The following ST3GAL4 variants were observed in gnomAD, a reference collection of about 807,000 sequenced individuals.
ST3GAL4 encodes the protein CMP-N-acetylneuraminate-beta-galactosamide-alpha-2,3-sialyltransferase 4.
In ST3GAL4, 24 loss-of-function variants were observed where a neutral mutation model predicts 42.6. The ratio of observed to expected loss-of-function variants is 0.56; its 90% CI spans 0.41 to 0.79. The LOEUF is 0.79. Ranked by LOEUF, ST3GAL4 falls within the 30% of genes least tolerant of loss-of-function variation. The pLI is 0.00. For missense variants in ST3GAL4, 311 were observed against 430.8 expected (o/e 0.72, Z 2.46); for synonymous variants, 135 against 163.2 (o/e 0.83, Z 1.32).
chr11:126,384,616 C>T lies in ST3GAL4; in HGVS notation c.-60-21480C>T, dbSNP rs1440273336. 2.1e-6 allele frequency: 2 copies of T among 947,028 alleles called. No homozygotes were observed. Among genetic ancestry groups the T allele is most frequent in the African/African-American group, 3.5e-5 (2 of 56,404 alleles). The allele number at this position is 947,028 out of a possible 1,614,324, so 58.7% of individuals were successfully genotyped here. ...GAAGGCTGAATGGGGCGGAACTGGT[C>T]AGGGCCTGGCACCAACTCCAGGATG... is the stretch of plus-strand genomic sequence containing the variant. On this transcript the variant is annotated intron_variant, in intron 1 of 10. Transcript: ENST00000444328. This position sits in a 1 kb window ranked among gnomAD's most constrained non-coding sequence, Gnocchi z 5.5.
At position 126,386,386 on chromosome 11, in the gene ST3GAL4, C is replaced by T. The variant is rs1442209817; in HGVS notation, c.-60-19710C>T. The stretch of plus-strand genomic sequence containing the variant: ...CCCTGCTTGCATTCGGCCCACAGGC[C>T]TTGTGGCTCCTGTTTCTGCTGACCT... On this transcript the variant is annotated intron_variant, in intron 1 of 10. Transcript: ENST00000444328. This position sits in a 1 kb window ranked among gnomAD's most constrained non-coding sequence, Gnocchi z 4.7. Among the ~76,000 whole-genome samples, 2 of 152,066 alleles carry T rather than the reference C, an allele frequency of 1.3e-5. No homozygotes were observed. Among genetic ancestry groups the T allele is most frequent in the African/African-American group, 4.8e-5 (2 of 41,404 alleles).
At chr11:126,377,443 T>G (rs1361104801) in intron 1 of ST3GAL4, among the ~76,000 whole-genome samples, 7 of 151,590 alleles carry the variant, frequency 4.6e-5, no homozygotes, top group African/African-American at 1.7e-4. Context: ...AGTGCTGGGA[T>G]TACAGGTGTG....
chr11:126,374,807 C>T (rs183586252), intron 1 of ST3GAL4, among the ~76,000 whole-genome samples: 22 of 152,192 alleles, frequency 1.4e-4, no homozygotes, highest in African/African-American at 1.7e-4. Flanking sequence ...TTGCAATTAG[C>T]GGACCGTCTG....
intron 1 of ST3GAL4, among the ~76,000 whole-genome samples, chr11:126,399,301 C>CTTTTTTTTTTTTTT (rs58479155): frequency 8.0e-5 from 7 of 87,748 alleles, no homozygotes; most frequent in East Asian, 8.5e-4. Context: ...TTCTTTCCTT[C>CTTTTTTTTTTTTTT]TTTTTTTTTT....
intron 1 of ST3GAL4, among the ~76,000 whole-genome samples, chr11:126,361,212 A>G (rs970543796): frequency 6.6e-6 from 1 of 152,148 alleles, no homozygotes; most frequent in African/African-American, 2.4e-5. Context: ...TGGAACCCTC[A>G]CTTGGGTCCT....
chr11:126,357,363 TGGAA>T (rs1355368151), intron 1 of ST3GAL4, among the ~76,000 whole-genome samples: 1 of 152,114 alleles, frequency 6.6e-6, no homozygotes, highest in African/African-American at 2.4e-5. Flanking sequence ...AGGGTGCACA[TGGAA>T]GGAAGAGTTA....
At chr11:126,385,019 GC>G (rs1953169486) in intron 1 of ST3GAL4, among the ~76,000 whole-genome samples, 2 of 152,152 alleles carry the variant, frequency 1.3e-5, no homozygotes, top group South Asian at 4.1e-4. Flanking sequence ...CCCTGCTGAG[GC>G]TGCGGACATT....
chr11:126,388,969 G>T (rs1194001684), intron 1 of ST3GAL4, among the ~76,000 whole-genome samples: 1 of 151,498 alleles, frequency 6.6e-6, no homozygotes, highest in East Asian at 1.9e-4. Context: ...GTAGAGACGG[G>T]GTTTCACCAT....
chr11:126,390,232 A>C (rs889880541), intron 1 of ST3GAL4, among the ~76,000 whole-genome samples: 16 of 151,798 alleles, frequency 1.1e-4, no homozygotes, highest in Non-Finnish European at 2.1e-4. Flanking sequence ...CAATTGACCC[A>C]TATGGATTGA....
At chr11:126,360,486 C>T (rs930092495) in intron 1 of ST3GAL4, among the ~76,000 whole-genome samples, 1 of 152,168 alleles carries the variant, frequency 6.6e-6, no homozygotes, top group African/African-American at 2.4e-5. Flanking sequence ...TGCAGTGGCG[C>T]GATCTCGGCT....
intron 9 of ST3GAL4, among the ~76,000 whole-genome samples, chr11:126,412,812 C>T (rs1231390123): frequency 3.9e-5 from 6 of 152,242 alleles, no homozygotes; most frequent in East Asian, 1.9e-4. Context: ...AGTTGCTTAA[C>T]GCTTTTGTAA....
At chr11:126,387,154 T>C (rs1266772787) in intron 1 of ST3GAL4, among the ~76,000 whole-genome samples, 3 of 152,276 alleles carry the variant, frequency 2.0e-5, no homozygotes, top group Admixed American at 6.5e-5. Context: ...ATTTCAGTAA[T>C]TGTCTTTGGA....
chr11:126,371,693 G>A (rs1028897687), intron 1 of ST3GAL4, among the ~76,000 whole-genome samples: 3 of 152,218 alleles, frequency 2.0e-5, no homozygotes, highest in African/African-American at 4.8e-5. Context: ...CCTGACGATA[G>A]TTAAGTTGTT....
chr11:126,408,403 A>G lies in ST3GAL4; in HGVS notation c.534A>G (p.Lys178=), dbSNP rs1345203477. ...CTGAATCTGCCCACTTCGACCCCAA[A>G]GTAGAAAACAACCCAGACACACTCC... ...FYPESAHFDP[K]VENNPDTLLV... is the part of the protein sequence containing the mutation. Residue 178 remains lysine (K), a synonymous_variant, in exon 8 of 11, where the codon AAA becomes AAG. Transcript: ENST00000444328. 1 of 1,614,232 alleles carries G rather than the reference A, an allele frequency of 6.2e-7. No individual in the cohort carries two copies. The highest frequency in any genetic ancestry group is 1.1e-5 in the South Asian group (1 of 91,086).
rs1953615674 is a variant in ST3GAL4, at chr11:126,393,840, AAAT to A, written c.-60-12254_-60-12252del. Among the ~76,000 whole-genome samples, 1 of 152,276 alleles carries A rather than the reference AAAT, an allele frequency of 6.6e-6. No individual in the cohort carries two copies. The highest frequency in any genetic ancestry group is 1.5e-5 in the Non-Finnish European group (1 of 68,048). On this transcript the variant is annotated intron_variant, in intron 1 of 10. Transcript: ENST00000444328. This position sits in a 1 kb window ranked among gnomAD's most constrained non-coding sequence, Gnocchi z 5.9. ...ATTTAGCCACGGTTTTAAAAAGTAA[AAAT>A]AGGTGAAATTCGTTTTAATATTTTA...
At chr11:126,402,954 T>G (rs1954072061) in intron 1 of ST3GAL4, among the ~76,000 whole-genome samples, 1 of 152,200 alleles carries the variant, frequency 6.6e-6, no homozygotes, top group Admixed American at 6.5e-5. Context: ...CTGGTCCCCT[T>G]GGACATGAGT....
At position 126,397,396 on chromosome 11, in the gene ST3GAL4, T is replaced by C. The variant is rs1953827327; in HGVS notation, c.-60-8700T>C. On this transcript the variant is annotated intron_variant, in intron 1 of 10. Coordinates refer to ENST00000444328, the MANE Select transcript of ST3GAL4 (RefSeq NM_001254757.2). The surrounding 1 kb of genome is among the most constrained non-coding windows in gnomAD (Gnocchi z 5.0). Reference sequence around the variant, plus strand: ...ATAAAAATGTCTCCAATCTCAGAGGTCATGGGATAGTGGGCAAGACATGAA... The same window carrying C: ...ATAAAAATGTCTCCAATCTCAGAGGCCATGGGATAGTGGGCAAGACATGAA... Among the ~76,000 whole-genome samples, 1 of 151,996 alleles carries C rather than the reference T, an allele frequency of 6.6e-6. No homozygotes were observed. The highest frequency in any genetic ancestry group is 1.5e-5 in the Non-Finnish European group (1 of 68,024).
rs1478212893 is a variant in ST3GAL4, at chr11:126,357,271, CCTGGGCT to C, written c.-61+1433_-61+1439del. On this transcript the variant is annotated intron_variant, in intron 1 of 10. Coordinates refer to ENST00000444328, the MANE Select transcript of ST3GAL4 (RefSeq NM_001254757.2). Reference sequence around the variant, plus strand: ...GGTGATCCTAAGCTGCCCCATGGGCCCTGGGCTCTGTCAAGACATGGGGAGCTTGCCA... The same window carrying C: ...GGTGATCCTAAGCTGCCCCATGGGCCCTGTCAAGACATGGGGAGCTTGCCA... Among the ~76,000 whole-genome samples the C allele has an allele frequency of 1.9e-4, 29 of 152,280 alleles. No homozygotes were observed. In the East Asian group the frequency reaches 4.1e-3, roughly 21 times the overall value.
intron 1 of ST3GAL4, among the ~76,000 whole-genome samples, chr11:126,385,728 A>G (rs1565407207): frequency 6.6e-6 from 1 of 152,046 alleles, no homozygotes; most frequent in Non-Finnish European, 1.5e-5. Flanking sequence ...AAGTGAATTC[A>G]GGACAGGGCG....
Sources: gnomAD v4.1 joint callset for allele counts (sites outside exome capture counted in the v4.1 genomes callset) on GRCh38, gnomAD v4.1.1 for gene constraint, Gnocchi (gnomAD v3.1) non-coding constraint, MANE v1.5 for transcripts, NCBI Gene and HGNC (gene_info 2026-07-23, HGNC 2026-07-21) for gene names.